Variants in VWC2 observed in about 807,000 individuals in gnomAD.
VWC2 encodes brorin.
In VWC2, 14 loss-of-function variants were observed where a neutral mutation model predicts 29.8. The observed-to-expected ratio is 0.47, with a 90% CI of 0.31 to 0.74. The LOEUF is 0.74. VWC2 is among the 30% of genes least tolerant of loss of function. The pLI is 0.05. For synonymous variants in VWC2, 213 were observed against 199.0 expected, an observed-to-expected ratio of 1.07 and a Z score of -0.59; for missense variants, 457 against 459.8, an observed-to-expected ratio of 0.99 and a Z score of 0.05.
chr7:49,857,788 C>G (rs763513359), intron 3 of VWC2, among the ~76,000 whole-genome samples: 12 of 152,166 alleles, frequency 7.9e-5, no homozygotes, highest in Non-Finnish European at 1.8e-4. Flanking sequence ...TCTACAGTCT[C>G]ACTTCTGGGT....
chr7:49,861,062 G>A (rs692274), intron 3 of VWC2, among the ~76,000 whole-genome samples: 14,950 of 152,244 alleles, frequency 0.098, 2,126 homozygotes, highest in African/African-American at 0.31. Flanking sequence ...AAGACTCACC[G>A]CCCTTTATCA....
intron 3 of VWC2, among the ~76,000 whole-genome samples, chr7:49,856,693 G>A (rs1324506795): frequency 6.6e-6 from 1 of 152,114 alleles, no homozygotes; most frequent in Non-Finnish European, 1.5e-5. Context: ...ACCTCCAAAA[G>A]TTCTCTGATG....
chr7:49,920,849 G>A lies in VWC2; in HGVS notation c.*8664G>A, dbSNP rs947774651. 1.3e-5 allele frequency: 2 copies of A among 152,162 alleles called. No individual in the cohort carries two copies. Among genetic ancestry groups the A allele is most frequent in the African/African-American group, 4.8e-5 (2 of 41,436 alleles). 9.4% of individuals were successfully genotyped at this position (152,162 alleles called of 1,614,324 possible). A position where few individuals can be genotyped will look rare whatever the true frequency, so the allele number is the denominator to read the frequency against. On this transcript the variant is annotated 3_prime_UTR_variant, in exon 4 of 4. Coordinates refer to ENST00000340652, the MANE Select transcript of VWC2 (RefSeq NM_198570.5). ...TGTGATGCTTTACAAGGTACCTGATGAATGTAAAATTATAGCTTTTTGTCT... is the reference window on the plus strand; with the variant it reads ...TGTGATGCTTTACAAGGTACCTGATAAATGTAAAATTATAGCTTTTTGTCT...
At chr7:49,849,305 C>T (rs768126794) in intron 3 of VWC2, among the ~76,000 whole-genome samples, 2 of 152,162 alleles carry the variant, frequency 1.3e-5, no homozygotes, top group Non-Finnish European at 2.9e-5. Context: ...ATTAAATCTG[C>T]TCAAAAGTAA....
intron 3 of VWC2, among the ~76,000 whole-genome samples, chr7:49,857,009 CAAAAAAAAAAAAAAAAAA>C (rs59910243): frequency 3.8e-5 from 2 of 52,764 alleles, no homozygotes; most frequent in African/African-American, 1.6e-4. Context: ...GATACTGTCT[CAAAAAAAAAAAAAAAAAA>C]AAAAAAAAAA....
intron 3 of VWC2, among the ~76,000 whole-genome samples, chr7:49,805,558 A>T (rs995177498): frequency 1.3e-5 from 2 of 152,208 alleles, no homozygotes; most frequent in African/African-American, 4.8e-5. Context: ...GGGGTTTGAA[A>T]TTCTTAGTAA....
At chr7:49,802,553 G>A (rs772490579) in intron 2 of VWC2, among the ~76,000 whole-genome samples, 158 bp from the exon 3 acceptor site, 4 of 152,122 alleles carry the variant, frequency 2.6e-5, no homozygotes, top group East Asian at 1.9e-4. Context: ...CAGCAGAATC[G>A]CTTGAACTCG....
chr7:49,871,274 A>G (rs1407507243), intron 3 of VWC2, among the ~76,000 whole-genome samples: 1 of 152,116 alleles, frequency 6.6e-6, no homozygotes, highest in Non-Finnish European at 1.5e-5. Context: ...TAAAACTGAA[A>G]TTTCATGGAC....
At chr7:49,800,848 CAAAAAA>C (rs1167626390) in intron 2 of VWC2, among the ~76,000 whole-genome samples, 11 of 63,266 alleles carry the variant, frequency 1.7e-4, no homozygotes, top group South Asian at 7.2e-4. Context: ...GTTATGGTAG[CAAAAAA>C]AAAAAAAAAA....
At chr7:49,789,870 G>A (rs1055394388) in intron 2 of VWC2, among the ~76,000 whole-genome samples, 1 of 152,240 alleles carries the variant, frequency 6.6e-6, no homozygotes, top group African/African-American at 2.4e-5. Flanking sequence ...CTTCCCAGGT[G>A]GGAAGTGAGA....
chr7:49,886,980 CATTTTTACTTTT>C (rs1171017195), intron 3 of VWC2, among the ~76,000 whole-genome samples: 5 of 151,744 alleles, frequency 3.3e-5, no homozygotes, highest in Non-Finnish European at 7.4e-5. Flanking sequence ...CCTTTACCTT[CATTTTTACTTTT>C]ACCTATATTC....
chr7:49,859,068 T>A (rs1033900359), intron 3 of VWC2, among the ~76,000 whole-genome samples: 1 of 152,254 alleles, frequency 6.6e-6, no homozygotes, highest in Admixed American at 6.5e-5. Context: ...TTGTTTTACA[T>A]TGTGGCCCAT....
chr7:49,775,641 A>G lies in VWC2; in HGVS notation c.206A>G (p.Glu69Gly). The G allele has an allele frequency of 6.5e-7, 1 of 1,529,132 alleles. No individual in the cohort carries two copies. Among genetic ancestry groups the G allele is most frequent in the Non-Finnish European group, 8.8e-7 (1 of 1,140,962 alleles). The allele number at this position is 1,529,132 out of a possible 1,614,324, so 94.7% of individuals were successfully genotyped here. Residue 69 changes from glutamate to glycine, a missense_variant, in exon 2 of 4, where the codon GAG (glutamate) becomes GGG (glycine). This residue lies in a region of VWC2 where 272 missense variants were observed against 202.7 expected (regional missense o/e 1.34). Transcript: ENST00000340652. ...VNELGRPARD[E>G]GGSGRDWKSK... ...GAGCTCGGGCGCCCGGCGAGGGACG[A>G]GGGCGGCAGCGGCCGGGACTGGAAG... is the stretch of plus-strand genomic sequence containing the variant.
At chr7:49,851,412 A>G (rs1329575034) in intron 3 of VWC2, among the ~76,000 whole-genome samples, 1 of 152,236 alleles carries the variant, frequency 6.6e-6, no homozygotes, top group East Asian at 1.9e-4. Flanking sequence ...AGCCTGGCTC[A>G]TAGCAGACGG....
intron 3 of VWC2, among the ~76,000 whole-genome samples, chr7:49,900,011 A>G (rs192423288): frequency 6.6e-6 from 1 of 152,048 alleles, no homozygotes; most frequent in Admixed American, 6.5e-5. Flanking sequence ...TATCAGTAAT[A>G]GAAAGATACC....
At chr7:49,845,833 C>A (rs935410156) in intron 3 of VWC2, among the ~76,000 whole-genome samples, 7 of 152,202 alleles carry the variant, frequency 4.6e-5, no homozygotes, top group African/African-American at 7.2e-5. Flanking sequence ...GGCAAACAAA[C>A]AGCAATGCAG....
At chr7:49,791,870 G>A (rs149662352) in intron 2 of VWC2, among the ~76,000 whole-genome samples, 65 of 152,272 alleles carry the variant, frequency 4.3e-4, no homozygotes, top group East Asian at 4.2e-3. Context: ...ACTGATAATG[G>A]CCACTGTCTT....
rs962130480 is a variant in VWC2, at chr7:49,875,311, A to G, written c.827-36723A>G. 3.7e-5 allele frequency among the ~76,000 whole-genome samples: 5 copies of G among 135,188 alleles called. No homozygotes were observed. In the East Asian group the frequency reaches 1.2e-3, roughly 31 times the overall value. The allele number at this position is 135,188 out of a possible 152,430, so 88.7% of individuals were successfully genotyped here. On this transcript the variant is annotated intron_variant, in intron 3 of 3. Transcript: ENST00000340652. ...CCTGAACCCAGGAGATGGAGGTTGC[A>G]GTGAGCCAAGATCACACCACTGCTC...
At chr7:49,881,704 T>C (rs1791669771) in intron 3 of VWC2, among the ~76,000 whole-genome samples, 1 of 152,198 alleles carries the variant, frequency 6.6e-6, no homozygotes, top group Non-Finnish European at 1.5e-5. Context: ...TTTGGTTAGA[T>C]TTCTAGTAGA....
Sources: gnomAD v4.1 joint callset for allele counts (sites outside exome capture counted in the v4.1 genomes callset) on GRCh38, gnomAD v4.1.1 for gene constraint, gnomAD v4.1.1 regional missense constraint, MANE v1.5 for transcripts, NCBI Gene and HGNC (gene_info 2026-07-23, HGNC 2026-07-21) for gene names.